VEGFC: variants seen among roughly 807,000 people sequenced by gnomAD.
VEGFC encodes FLT4 ligand DHM.
VEGFC carries 12 observed loss-of-function variants against 46.1 expected under a neutral mutation model. The observed-to-expected ratio is 0.26, with a 90% CI of 0.17 to 0.42. The LOEUF (loss-of-function observed/expected upper bound fraction) is 0.42, where lower values mean the gene tolerates loss of function less well. Among genes scored for constraint, VEGFC ranks in the 10% least tolerant of loss-of-function variants. The pLI, the probability that VEGFC is intolerant of heterozygous loss-of-function variation, is 1.00. For missense variants in VEGFC, 488 were observed against 529.4 expected (o/e 0.92, Z 0.77); for synonymous variants, 232 against 195.5 (o/e 1.19, Z -1.56).
At chr4:176,771,622 C>T (rs1164266685) in intron 1 of VEGFC, among the ~76,000 whole-genome samples, 1 of 152,086 alleles carries the variant, frequency 6.6e-6, no homozygotes, top group African/African-American at 2.4e-5. Context: ...TTAAGAGAGG[C>T]ACAGGTAGAC....
chr4:176,775,058 C>T (rs1735792649), intron 1 of VEGFC, among the ~76,000 whole-genome samples: 1 of 152,140 alleles, frequency 6.6e-6, no homozygotes, highest in African/African-American at 2.4e-5. Context: ...GGTATTATAA[C>T]AATCTACCAG....
chr4:176,791,388 C>G (rs2333530), intron 1 of VEGFC, among the ~76,000 whole-genome samples: 107,995 of 152,080 alleles, frequency 0.71, 44,210 homozygotes, highest in East Asian at 0.99. Flanking sequence ...AATCCTTTTT[C>G]AAAATCAGGA....
chr4:176,691,683 T>G (rs1734181990), intron 4 of VEGFC, among the ~76,000 whole-genome samples: 1 of 152,224 alleles, frequency 6.6e-6, no homozygotes. Context: ...AAATAAAATC[T>G]TAGTTTGCAT....
intron 1 of VEGFC, among the ~76,000 whole-genome samples, chr4:176,741,157 T>A (rs1474224767): frequency 6.6e-6 from 1 of 151,968 alleles, no homozygotes; most frequent in Non-Finnish European, 1.5e-5. Context: ...GCTTTCTTAG[T>A]AGATCGGAAA....
chr4:176,744,975 A>AT (rs934155709), intron 1 of VEGFC, among the ~76,000 whole-genome samples: 2 of 152,072 alleles, frequency 1.3e-5, no homozygotes, highest in African/African-American at 4.8e-5. Context: ...TGCAGCCTTG[A>AT]TAACTGGGTC....
intron 4 of VEGFC, chr4:176,706,091 G>C (rs181694932): frequency 9.6e-4 from 146 of 152,290 alleles, no homozygotes; most frequent in African/African-American, 3.3e-3. Context: ...TGTGGCAGAT[G>C]CTTGGTGCTT....
chr4:176,733,762 T>C (rs1227301243), intron 1 of VEGFC, among the ~76,000 whole-genome samples: 1 of 151,798 alleles, frequency 6.6e-6, no homozygotes, highest in Non-Finnish European at 1.5e-5. Flanking sequence ...TTAAAAAGAA[T>C]AGATCCTAAA....
At chr4:176,772,904 C>A (rs1735745901) in intron 1 of VEGFC, among the ~76,000 whole-genome samples, 1 of 152,160 alleles carries the variant, frequency 6.6e-6, no homozygotes, top group African/African-American at 2.4e-5. Flanking sequence ...TATAAATCAT[C>A]CAGTTTGTGA....
chr4:176,784,756 CAAAAA>C (rs5864405), intron 1 of VEGFC, among the ~76,000 whole-genome samples: 1 of 22,992 alleles, frequency 4.3e-5, no homozygotes, highest in Admixed American at 6.2e-4. Flanking sequence ...GAGTCTGTCT[CAAAAA>C]AAAAAAAAAA....
At chr4:176,728,104 T>G in intron 2 of VEGFC, 136 bp from the exon 3 acceptor site, 2 of 606,918 alleles carry the variant, frequency 3.3e-6, no homozygotes, top group Non-Finnish European at 5.4e-6. Flanking sequence ...AGACAGCTGA[T>G]GGGATCCTAA....
At chr4:176,729,827 A>AAT (rs1734932396) in intron 1 of VEGFC, 81 bp from the exon 2 acceptor site, 1 of 1,064,908 alleles carries the variant, frequency 9.4e-7, no homozygotes. Context: ...GGTTAGGTTT[A>AAT]ATAGTATCTA....
At chr4:176,781,228 A>C (rs1181434952) in intron 1 of VEGFC, among the ~76,000 whole-genome samples, 1 of 152,222 alleles carries the variant, frequency 6.6e-6, no homozygotes, top group Non-Finnish European at 1.5e-5. Context: ...CAGAGAGAAC[A>C]AACAATGAAT....
intron 3 of VEGFC, among the ~76,000 whole-genome samples, chr4:176,726,750 A>T (rs2111015095): frequency 6.6e-6 from 1 of 152,334 alleles, no homozygotes; most frequent in African/African-American, 2.4e-5. Context: ...AGTAGGTTTT[A>T]TTACTGAAAA....
intron 1 of VEGFC, among the ~76,000 whole-genome samples, chr4:176,743,987 TC>T (rs1735220697): frequency 6.6e-6 from 1 of 151,988 alleles, no homozygotes; most frequent in Non-Finnish European, 1.5e-5. Context: ...TAGCCACAAT[TC>T]CCAGAAACAT....
At chr4:176,791,309 G>A (rs1428142125) in intron 1 of VEGFC, among the ~76,000 whole-genome samples, 1 of 152,056 alleles carries the variant, frequency 6.6e-6, no homozygotes, top group Non-Finnish European at 1.5e-5. Context: ...TATGGTTATG[G>A]CAGGTATGAA....
chr4:176,692,863 G>T (rs1186679990), intron 4 of VEGFC, among the ~76,000 whole-genome samples: 1 of 146,292 alleles, frequency 6.8e-6, no homozygotes, highest in Non-Finnish European at 1.5e-5. Flanking sequence ...CCCAGCAGGG[G>T]CACACTGACA....
At chr4:176,737,038 T>C (rs1423777833) in intron 1 of VEGFC, among the ~76,000 whole-genome samples, 1 of 150,790 alleles carries the variant, frequency 6.6e-6, no homozygotes, top group African/African-American at 2.4e-5. Context: ...AAATTTTAAG[T>C]GGTTATACAA....
At chr4:176,754,960 A>C (rs1478825241) in intron 1 of VEGFC, among the ~76,000 whole-genome samples, 5 of 152,096 alleles carry the variant, frequency 3.3e-5, no homozygotes, top group African/African-American at 1.2e-4. Flanking sequence ...ACAGATTGTC[A>C]CAGGGTCTGC....
chr4:176,686,647 A>C (rs991065321), intron 6 of VEGFC, among the ~76,000 whole-genome samples: 17 of 150,602 alleles, frequency 1.1e-4, no homozygotes, highest in Non-Finnish European at 2.4e-4. Context: ...GAATAACTTC[A>C]TTTTTTTTTT....
Sources: gnomAD v4.1 joint callset for allele counts (sites outside exome capture counted in the v4.1 genomes callset) on GRCh38, gnomAD v4.1.1 for gene constraint, MANE v1.5 for transcripts, NCBI Gene and HGNC (gene_info 2026-07-23, HGNC 2026-07-21) for gene names.